Variants in IL21R observed in about 807,000 individuals in gnomAD.
IL21R encodes interleukin 21 receptor, also known as interleukin-21 receptor.
IL21R carries 14 observed loss-of-function variants against 41.3 expected under a neutral mutation model. The ratio of observed to expected loss-of-function variants is 0.34; its 90% CI spans 0.22 to 0.53. The LOEUF (loss-of-function observed/expected upper bound fraction) is 0.53. Among genes scored for constraint, IL21R ranks in the 20% least tolerant of loss-of-function variants. The pLI is 0.94. For synonymous variants in IL21R, 286 were observed against 287.6 expected, an observed-to-expected ratio of 0.99 and a Z score of 0.05; for missense variants, 588 against 681.6, an observed-to-expected ratio of 0.86 and a Z score of 1.53.
chr16:27,447,979 A>T (rs962911155), intron 8 of IL21R: 1 of 152,944 alleles, frequency 6.5e-6, no homozygotes, highest in Non-Finnish European at 1.5e-5. Flanking sequence ...TCCCTTCTAC[A>T]AGTAGGGAAA....
chr16:27,408,288 G>C (rs1411156880), intron 1 of IL21R, among the ~76,000 whole-genome samples: 2 of 152,222 alleles, frequency 1.3e-5, no homozygotes, highest in East Asian at 3.8e-4. Context: ...AGTCAAAAAG[G>C]GCAGATAGTT....
At chr16:27,440,427 C>G (rs1417554980) in intron 4 of IL21R, among the ~76,000 whole-genome samples, 1 of 151,856 alleles carries the variant, frequency 6.6e-6, no homozygotes, top group Non-Finnish European at 1.5e-5. Context: ...GTGCACATCA[C>G]CATCCTGGCT....
chr16:27,429,948 C>A (rs2141283447), intron 1 of IL21R, 108 bp from the exon 2 acceptor site: 1 of 905,586 alleles, frequency 1.1e-6, no homozygotes, highest in Non-Finnish European at 1.7e-6. Flanking sequence ...TTTCTTAAGA[C>A]AGTTCCAAGA....
At chr16:27,423,987 T>C (rs966539687) in intron 1 of IL21R, among the ~76,000 whole-genome samples, 33 of 152,220 alleles carry the variant, frequency 2.2e-4, no homozygotes, top group African/African-American at 7.5e-4. Flanking sequence ...TCCTGAGCAA[T>C]ATGTGATGTC....
Position 27,437,556 on chromosome 16 carries a change from C to A in IL21R, c.221C>A (p.Ala74Asp), listed in dbSNP as rs1470226294. Residue 74 changes from alanine to aspartate, a missense_variant, in exon 4 of 9, where the codon GCC becomes GAC. Ala to Asp is a moderately radical substitution (Grantham distance 126, BLOSUM62 -2). Coordinates refer to ENST00000337929, the MANE Select transcript of IL21R (RefSeq NM_181078.3). ...AGCCTCCACAGGTCGGCCCACAATG[C>A]CACGCATGCCACCTACACCTGCCAC... ...SCSLHRSAHN[A>D]THATYTCHMD... The A allele has an allele frequency of 3.7e-6, 6 of 1,614,088 alleles. No individual in the cohort carries two copies. In the Admixed American group the frequency reaches 1.0e-4, roughly 27 times the overall value.
Position 27,437,524 on chromosome 16 carries a change from C to G in IL21R, c.189C>G (p.Thr63=). The stretch of plus-strand genomic sequence containing the variant: ...ATGAAGAGCTGAAGGACGAGGCCAC[C>G]TCCTGCAGCCTCCACAGGTCGGCCC... ...DQYEELKDEA[T]SCSLHRSAHN... The change falls in exon 4 of 9, where the codon ACC becomes ACG. Residue 63 remains threonine (T), a synonymous_variant. Coordinates refer to ENST00000337929, the MANE Select transcript of IL21R (RefSeq NM_181078.3). 6.2e-7 allele frequency: 1 copy of G among 1,614,132 alleles called. No individual in the cohort carries two copies. Among genetic ancestry groups the G allele is most frequent in the Non-Finnish European group, 8.5e-7 (1 of 1,180,024 alleles).
At chr16:27,421,788 C>G (rs2087004840) in intron 1 of IL21R, among the ~76,000 whole-genome samples, 1 of 152,068 alleles carries the variant, frequency 6.6e-6, no homozygotes, top group Admixed American at 6.5e-5. Context: ...TTTGTATATA[C>G]AAGATCATAT....
intron 1 of IL21R, among the ~76,000 whole-genome samples, chr16:27,414,808 A>G (rs1367876130): frequency 6.6e-6 from 1 of 152,178 alleles, no homozygotes; most frequent in African/African-American, 2.4e-5. Context: ...CCAAAAGTTC[A>G]TGGAAAATTC....
intron 4 of IL21R, among the ~76,000 whole-genome samples, chr16:27,440,295 C>CGCG (rs1567370139): frequency 1.4e-5 from 2 of 139,500 alleles, no homozygotes; most frequent in African/African-American, 5.7e-5. Flanking sequence ...CAAGCGCGCG[C>CGCG]CAGGGTGTAG....
In IL21R at chr16:27,430,059, C is replaced by A. The variant is rs557091943; in HGVS notation, c.-13C>A. 2.5e-6 allele frequency: 4 copies of A among 1,606,146 alleles called. No individual in the cohort carries two copies. In the African/African-American group the frequency reaches 4.0e-5, roughly 16 times the overall value. ...CTCCACTGTACGTCTCTTGCAGGCCCGTGGGAGTCAGCATGCCGCGTGGCT... is the reference window on the plus strand; with the variant it reads ...CTCCACTGTACGTCTCTTGCAGGCCAGTGGGAGTCAGCATGCCGCGTGGCT... On this transcript the variant is annotated 5_prime_UTR_variant, in exon 2 of 9. Coordinates refer to ENST00000337929, the MANE Select transcript of IL21R (RefSeq NM_181078.3).
At chr16:27,441,995 C>T (rs2087395785) in intron 4 of IL21R, among the ~76,000 whole-genome samples, 1 of 152,164 alleles carries the variant, frequency 6.6e-6, no homozygotes. Flanking sequence ...CTGGGCAACA[C>T]AGTGAGATCC....
Position 27,418,612 on chromosome 16 carries a change from T to C in IL21R, c.-16-11444T>C, listed in dbSNP as rs535790525. Among the ~76,000 whole-genome samples the C allele has an allele frequency of 5.2e-4, 79 of 152,238 alleles. No individual in the cohort carries two copies. The East Asian group carries it at 5.8e-3, about 11-fold the overall frequency. On this transcript the variant is annotated intron_variant, in intron 1 of 8. Transcript: ENST00000337929. ...GTCTTGATCACCTGACCTCGTGATCTGCCCGCCTTGGCCTCCCAAAGTGCT... is the reference window on the plus strand; with the variant it reads ...GTCTTGATCACCTGACCTCGTGATCCGCCCGCCTTGGCCTCCCAAAGTGCT...
chr16:27,433,088 G>A (rs1170277471), intron 2 of IL21R, among the ~76,000 whole-genome samples: 1 of 152,174 alleles, frequency 6.6e-6, no homozygotes, highest in East Asian at 1.9e-4. Context: ...GTGAGACCCA[G>A]GAAGGGAATC....
At position 27,437,828 on chromosome 16, in the gene IL21R, A is replaced by T. The variant is rs1271959239; in HGVS notation, c.352+141A>T. ...CAGGTGTACACCACTACACCCAGCT[A>T]ATTTTTGTATTTTTAGTAGAGACGG... is the stretch of plus-strand genomic sequence containing the variant. On this transcript the variant is annotated intron_variant, in intron 4 of 8. Transcript: ENST00000337929. The T allele has an allele frequency of 7.5e-6, 5 of 670,238 alleles. No homozygotes were observed. The African/African-American group carries it at 9.0e-5, about 12-fold the overall frequency. 41.5% of individuals were successfully genotyped at this position (670,238 alleles called of 1,614,324 possible).
chr16:27,417,022 T>C (rs963833361), intron 1 of IL21R, among the ~76,000 whole-genome samples: 2 of 152,240 alleles, frequency 1.3e-5, no homozygotes, highest in African/African-American at 2.4e-5. Context: ...CATTCACCAG[T>C]CGATAGAAAT....
At chr16:27,442,392 C>G (rs1200952028) in intron 4 of IL21R, among the ~76,000 whole-genome samples, 1 of 152,150 alleles carries the variant, frequency 6.6e-6, no homozygotes, top group Admixed American at 6.5e-5. Context: ...GAGATGGAGT[C>G]TCGCTCTGTC....
intron 1 of IL21R, among the ~76,000 whole-genome samples, chr16:27,417,896 T>A (rs912045696): frequency 2.0e-5 from 3 of 152,150 alleles, no homozygotes; most frequent in Non-Finnish European, 4.4e-5. Flanking sequence ...GCCCAGGACA[T>A]TGCTGTACAC....
intron 1 of IL21R, among the ~76,000 whole-genome samples, chr16:27,426,338 A>G (rs915915570): frequency 6.6e-6 from 1 of 152,244 alleles, no homozygotes; most frequent in Non-Finnish European, 1.5e-5. Context: ...TTATTGGAGT[A>G]AAAAATAGGA....
At chr16:27,439,545 C>T (rs1256007667) in intron 4 of IL21R, among the ~76,000 whole-genome samples, 1 of 151,664 alleles carries the variant, frequency 6.6e-6, no homozygotes, top group Non-Finnish European at 1.5e-5. Context: ...TATACACATA[C>T]TCATACACTC....
Sources: allele counts gnomAD v4.1 joint callset (sites outside exome capture counted in the v4.1 genomes callset), GRCh38; gene constraint gnomAD v4.1.1; transcripts MANE v1.5; gene names NCBI Gene and HGNC (gene_info 2026-07-23, HGNC 2026-07-21).